ZNF385D: variants seen among roughly 807,000 people sequenced by gnomAD.
The protein encoded by ZNF385D is zinc finger protein 385D.
ZNF385D carries 15 observed loss-of-function variants against 35.8 expected under a neutral mutation model. The observed-to-expected ratio is 0.42, with a 90% CI of 0.28 to 0.64. ZNF385D has a LOEUF of 0.64. Among genes scored for constraint, ZNF385D ranks in the 30% least tolerant of loss-of-function variants. The pLI, the probability that ZNF385D is intolerant of heterozygous loss-of-function variation, is 0.23. For missense variants in ZNF385D, 474 were observed against 494.6 expected, an observed-to-expected ratio of 0.96 and a Z score of 0.39; for synonymous variants, 212 against 186.8, an observed-to-expected ratio of 1.13 and a Z score of -1.10.
chr3:21,648,448 C>A (rs1210620272), intron 2 of ZNF385D, among the ~76,000 whole-genome samples: 1 of 152,074 alleles, frequency 6.6e-6, no homozygotes, highest in Non-Finnish European at 1.5e-5. Context: ...CTGGCTAATA[C>A]CGGCTGTATA....
intron 2 of ZNF385D, among the ~76,000 whole-genome samples, chr3:22,192,576 T>C (rs922849415): frequency 6.6e-5 from 10 of 152,174 alleles, no homozygotes; most frequent in Admixed American, 3.3e-4. Context: ...AAGCAAGCCA[T>C]GTGTGTGAAC....
chr3:21,763,329 T>A (rs958909768), intron 3 of ZNF385D, among the ~76,000 whole-genome samples: 5 of 152,106 alleles, frequency 3.3e-5, no homozygotes, highest in African/African-American at 1.2e-4. Flanking sequence ...ATAACAAAGG[T>A]AATAACTCAG....
intron 3 of ZNF385D, among the ~76,000 whole-genome samples, chr3:21,918,798 C>A (rs78574477): frequency 0.019 from 2,903 of 152,180 alleles, 36 homozygotes; most frequent in Non-Finnish European, 0.029. Flanking sequence ...TATTTTTAAT[C>A]ATTTTAGTTA....
rs533963680 is a variant in ZNF385D, at chr3:21,654,957, C to T, written c.165+9929G>A. Among the ~76,000 whole-genome samples, 16 of 152,130 alleles carry T rather than the reference C, an allele frequency of 1.1e-4. No homozygotes were observed. The South Asian group carries it at 3.1e-3, about 30-fold the overall frequency. ...TGGTGGGAGGGAGATGTGGAAGAGG[C>T]AACTTTACTCAAGTGATAGTCTGAG... On this transcript the variant is annotated intron_variant, in intron 2 of 7. Transcript: ENST00000281523.
intron 3 of ZNF385D, among the ~76,000 whole-genome samples, chr3:21,758,961 A>G (rs2070469682): frequency 7.4e-6 from 1 of 134,550 alleles, no homozygotes; most frequent in South Asian, 2.5e-4. Context: ...CATTATAACC[A>G]TCATCATCAC....
intron 2 of ZNF385D, among the ~76,000 whole-genome samples, chr3:21,640,335 C>G (rs2065566845): frequency 6.6e-6 from 1 of 152,038 alleles, no homozygotes; most frequent in Non-Finnish European, 1.5e-5. Context: ...TCCACACAAA[C>G]CATGTTCTTA....
intron 3 of ZNF385D, among the ~76,000 whole-genome samples, chr3:21,987,575 G>A (rs1196596558): frequency 1.6e-5 from 2 of 128,118 alleles, no homozygotes; most frequent in Non-Finnish European, 3.2e-5. Flanking sequence ...AGGGTAACCC[G>A]ACCTTTCTCT....
intron 3 of ZNF385D, among the ~76,000 whole-genome samples, chr3:21,876,268 G>T (rs539531164): frequency 6.8e-5 from 10 of 147,074 alleles, no homozygotes; most frequent in Admixed American, 4.1e-4. Context: ...AATCTGGTGT[G>T]TTTTTTTTTT....
chr3:22,155,251 T>C (rs1348209684), intron 3 of ZNF385D, among the ~76,000 whole-genome samples: 1 of 152,100 alleles, frequency 6.6e-6, no homozygotes. Context: ...TATTGATTGC[T>C]GTGGTAAAGA....
intron 2 of ZNF385D, among the ~76,000 whole-genome samples, chr3:22,218,782 T>C (rs563997439): frequency 2.0e-5 from 3 of 152,262 alleles, no homozygotes; most frequent in Non-Finnish European, 4.4e-5. Context: ...TAGTTGTTCA[T>C]TGCCTTCAAG....
chr3:21,709,775 T>C (rs568246304), intron 1 of ZNF385D, among the ~76,000 whole-genome samples: 1 of 152,332 alleles, frequency 6.6e-6, no homozygotes, highest in South Asian at 2.1e-4. Context: ...ACACTTAATA[T>C]ATGACTCAGC....
intron 5 of ZNF385D, among the ~76,000 whole-genome samples, chr3:21,431,326 T>A (rs4857998): frequency 0.024 from 3,584 of 152,282 alleles, 123 homozygotes; most frequent in Admixed American, 0.089. Flanking sequence ...CTCACAGTGA[T>A]GTAATAATTC....
intron 4 of ZNF385D, among the ~76,000 whole-genome samples, chr3:21,491,434 C>T (rs189600709): frequency 3.3e-5 from 5 of 152,006 alleles, no homozygotes; most frequent in Admixed American, 1.3e-4. Context: ...CCCCTATTCC[C>T]CATCTAAGAA....
intron 3 of ZNF385D, among the ~76,000 whole-genome samples, chr3:22,149,714 C>G (rs1434408139): frequency 6.6e-6 from 1 of 152,138 alleles, no homozygotes; most frequent in Non-Finnish European, 1.5e-5. Flanking sequence ...CCTAGAAGTT[C>G]TGTTTGTATT....
intron 3 of ZNF385D, among the ~76,000 whole-genome samples, chr3:22,030,327 G>T (rs1388304353): frequency 1.0e-5 from 1 of 98,982 alleles, no homozygotes; most frequent in African/African-American, 4.4e-5. Context: ...CCCTCGAAGA[G>T]AACTCTGACT....
chr3:21,854,438 G>A (rs954709621), intron 3 of ZNF385D, among the ~76,000 whole-genome samples: 15 of 151,946 alleles, frequency 9.9e-5, no homozygotes, highest in African/African-American at 2.7e-4. Context: ...ATTCTTTGCC[G>A]GATTAGCTTC....
chr3:22,207,218 G>A (rs562073826), intron 2 of ZNF385D, among the ~76,000 whole-genome samples: 41 of 151,914 alleles, frequency 2.7e-4, no homozygotes, highest in African/African-American at 8.7e-4. Context: ...GTTGGTACTG[G>A]CATAAAAATA....
In ZNF385D at chr3:22,078,919, C is replaced by A. The variant is rs551695403; in HGVS notation, c.325+89898G>T. Among the ~76,000 whole-genome samples, 10 of 151,956 alleles carry A rather than the reference C, an allele frequency of 6.6e-5. No individual in the cohort carries two copies. The East Asian group carries it at 1.9e-3, about 29-fold the overall frequency. On this transcript the variant is annotated intron_variant, in intron 3 of 5. Transcript: ENST00000494108. ...TTATTTCTAACAAAGTATGCTTTGT[C>A]AAAAAATGTGTGGAAATTGACCTAT...
intron 4 of ZNF385D, among the ~76,000 whole-genome samples, chr3:21,498,529 C>T (rs1230624023): frequency 6.6e-6 from 1 of 152,052 alleles, no homozygotes; most frequent in Non-Finnish European, 1.5e-5. Flanking sequence ...CAAGCAACCT[C>T]ATTAAGAAAT....
Sources: allele counts gnomAD v4.1 joint callset (sites outside exome capture counted in the v4.1 genomes callset), GRCh38; gene constraint gnomAD v4.1.1; transcripts MANE v1.5; gene names NCBI Gene and HGNC (gene_info 2026-07-23, HGNC 2026-07-21).